FBXL7: variants seen among roughly 807,000 people sequenced by gnomAD.
FBXL7 encodes the protein F-box/LRR-repeat protein 7.
Under a neutral mutation model 38.3 loss-of-function variants are expected in FBXL7, and 12 were observed. That is an observed-to-expected ratio of 0.31 (90% CI 0.20 to 0.51). FBXL7 has a LOEUF of 0.51. Among genes scored for constraint, FBXL7 ranks in the 20% least tolerant of loss-of-function variants. The pLI, the probability that FBXL7 is intolerant of heterozygous loss-of-function variation, is 0.98. For synonymous variants in FBXL7, 297 were observed against 300.9 expected (o/e 0.99, Z 0.13); for missense variants, 567 against 676.4 (o/e 0.84, Z 1.79).
At position 15,519,262 on chromosome 5, in the gene FBXL7, G is replaced by A. The variant is rs144929126; in HGVS notation, c.37+18549G>A. Among the ~76,000 whole-genome samples the A allele has an allele frequency of 3.4e-4, 51 of 152,170 alleles. 1 individual carries two copies. The East Asian group carries it at 8.6e-3, about 26-fold the overall frequency. On this transcript the variant is annotated intron_variant, in intron 1 of 3. Coordinates refer to ENST00000504595, the MANE Select transcript of FBXL7 (RefSeq NM_012304.5). ...AGAGGCTGAGGCCGGAGAATCCCTG[G>A]AACCTGGGAGGTGGAGGCTGCAGTC...
At chr5:15,709,642 A>G (rs1017886611) in intron 2 of FBXL7, among the ~76,000 whole-genome samples, 1 of 151,840 alleles carries the variant, frequency 6.6e-6, no homozygotes, top group Non-Finnish European at 1.5e-5. Flanking sequence ...CTTAGACACC[A>G]TGATCGTTCA....
intron 2 of FBXL7, among the ~76,000 whole-genome samples, chr5:15,681,909 T>A: frequency 6.6e-6 from 1 of 152,218 alleles, no homozygotes; most frequent in Non-Finnish European, 1.5e-5. Context: ...CAGGATGACT[T>A]TTTACAAGGA....
intron 2 of FBXL7, among the ~76,000 whole-genome samples, chr5:15,754,852 C>T (rs1452640759): frequency 6.6e-6 from 1 of 152,036 alleles, no homozygotes; most frequent in Non-Finnish European, 1.5e-5. Context: ...CAAACCTCAC[C>T]CACAAGGTTT....
Position 15,666,959 on chromosome 5 carries a change from C to A in FBXL7, c.127+50887C>A, listed in dbSNP as rs1478068121. Among the ~76,000 whole-genome samples, 3 of 152,142 alleles carry A rather than the reference C, an allele frequency of 2.0e-5. No individual in the cohort carries two copies. The East Asian group carries it at 5.8e-4, about 29-fold the overall frequency. ...GTGTGACGTCAAGTTTTTATTTTAACAGCAGTAATCTTTTATAAGAGTTTT... is the reference window on the plus strand; with the variant it reads ...GTGTGACGTCAAGTTTTTATTTTAAAAGCAGTAATCTTTTATAAGAGTTTT... On this transcript the variant is annotated intron_variant, in intron 2 of 3. Transcript: ENST00000504595.
intron 2 of FBXL7, among the ~76,000 whole-genome samples, chr5:15,885,516 C>A (rs1740640250): frequency 6.6e-6 from 1 of 152,160 alleles, no homozygotes; most frequent in Admixed American, 6.5e-5. Flanking sequence ...GGAGCACCTA[C>A]CACAAACAGC....
chr5:15,863,137 G>A (rs1385245590), intron 2 of FBXL7, among the ~76,000 whole-genome samples: 1 of 152,150 alleles, frequency 6.6e-6, no homozygotes, highest in Non-Finnish European at 1.5e-5. Context: ...GGCACTGTGA[G>A]GTAGCAGACG....
intron 2 of FBXL7, among the ~76,000 whole-genome samples, chr5:15,832,921 A>AG (rs1738495062): frequency 6.6e-6 from 1 of 152,038 alleles, no homozygotes; most frequent in African/African-American, 2.4e-5. Flanking sequence ...ATTTAACCAT[A>AG]GGGGCGGGTC....
chr5:15,642,015 C>T (rs1741383191), intron 2 of FBXL7, among the ~76,000 whole-genome samples: 1 of 148,588 alleles, frequency 6.7e-6, no homozygotes, highest in Non-Finnish European at 1.5e-5. Context: ...CTGCAAAACC[C>T]CAATACATTA....
chr5:15,714,368 T>TC (rs1743971379), intron 2 of FBXL7, among the ~76,000 whole-genome samples: 2 of 152,202 alleles, frequency 1.3e-5, no homozygotes, highest in South Asian at 4.1e-4. Context: ...TCCTGAGGCC[T>TC]CCACAGGCAT....
At chr5:15,845,531 A>G (rs7708992) in intron 2 of FBXL7, among the ~76,000 whole-genome samples, 1 of 152,176 alleles carries the variant, frequency 6.6e-6, no homozygotes, top group Non-Finnish European at 1.5e-5. Context: ...CTAAATAAAT[A>G]TCTGTTAAAT....
chr5:15,742,681 T>A (rs1395519021), intron 2 of FBXL7, among the ~76,000 whole-genome samples: 1 of 152,212 alleles, frequency 6.6e-6, no homozygotes, highest in African/African-American at 2.4e-5. Context: ...TTTAAAGCAA[T>A]TCCTTTCAAT....
intron 2 of FBXL7, among the ~76,000 whole-genome samples, chr5:15,639,310 C>A (rs1741281521): frequency 6.6e-6 from 1 of 152,172 alleles, no homozygotes; most frequent in South Asian, 2.1e-4. Context: ...CAAATCTCAT[C>A]TTGTAGCTCC....
At chr5:15,794,633 C>T (rs923576651) in intron 2 of FBXL7, among the ~76,000 whole-genome samples, 3 of 152,082 alleles carry the variant, frequency 2.0e-5, no homozygotes, top group African/African-American at 7.2e-5. Context: ...GTTTTTTGCT[C>T]ACAGATTCTG....
At chr5:15,817,872 G>A (rs945973869) in intron 2 of FBXL7, among the ~76,000 whole-genome samples, 1 of 152,110 alleles carries the variant, frequency 6.6e-6, no homozygotes, top group Non-Finnish European at 1.5e-5. Context: ...ATACAAGGGC[G>A]AAGGAAACCA....
chr5:15,633,118 A>G (rs1333662136), intron 2 of FBXL7, among the ~76,000 whole-genome samples: 3 of 152,196 alleles, frequency 2.0e-5, no homozygotes, highest in African/African-American at 7.2e-5. Context: ...TGTGCATAGG[A>G]CTATATTTGA....
At chr5:15,688,318 T>TA (rs770202761) in intron 2 of FBXL7, among the ~76,000 whole-genome samples, 2 of 152,208 alleles carry the variant, frequency 1.3e-5, no homozygotes, top group Non-Finnish European at 2.9e-5. Flanking sequence ...ATAAGGGTAT[T>TA]ACGATTAATT....
intron 2 of FBXL7, among the ~76,000 whole-genome samples, chr5:15,864,658 G>T (rs1025667268): frequency 1.3e-5 from 2 of 152,144 alleles, no homozygotes; most frequent in Non-Finnish European, 2.9e-5. Flanking sequence ...CTTAACACAA[G>T]TGTCACAGAA....
chr5:15,541,164 C>T (rs767266741), intron 1 of FBXL7, among the ~76,000 whole-genome samples: 7 of 151,520 alleles, frequency 4.6e-5, no homozygotes, highest in African/African-American at 1.7e-4. Flanking sequence ...TGACGCCTCA[C>T]TCCCAAATCC....
chr5:15,906,315 A>G (rs1741360605), intron 2 of FBXL7, among the ~76,000 whole-genome samples: 1 of 152,056 alleles, frequency 6.6e-6, no homozygotes, highest in Non-Finnish European at 1.5e-5. Context: ...ATAAACTTCT[A>G]AGTATCTTTC....
Sources: allele counts gnomAD v4.1 joint callset (sites outside exome capture counted in the v4.1 genomes callset), GRCh38; gene constraint gnomAD v4.1.1; transcripts MANE v1.5; gene names NCBI Gene and HGNC (gene_info 2026-07-23, HGNC 2026-07-21).